SFMBT1: variants seen among roughly 807,000 people sequenced by gnomAD.
The protein encoded by SFMBT1 is scm-like with four MBT domains protein 1.
Under a neutral mutation model 108.7 loss-of-function variants are expected in SFMBT1, and 32 were observed. That is an observed-to-expected ratio of 0.29 (90% confidence interval 0.22 to 0.40). The LOEUF is 0.40. Ranked by LOEUF, SFMBT1 falls within the 10% of genes least tolerant of loss-of-function variation. The probability of loss-of-function intolerance (pLI) is 1.00; values close to 1 mark genes in which losing one functional copy is unlikely to be tolerated. For missense variants in SFMBT1, 816 were observed against 1,059.6 expected (o/e 0.77, Z 3.19); for synonymous variants, 348 against 369.5 (o/e 0.94, Z 0.67).
intron 1 of SFMBT1, among the ~76,000 whole-genome samples, chr3:53,035,894 G>T (rs1029536840): frequency 3.3e-5 from 5 of 152,198 alleles, no homozygotes; most frequent in African/African-American, 1.2e-4. Flanking sequence ...CACCCGGCCA[G>T]AGACGTAAGT....
At chr3:52,992,083 T>G (rs1004045571) in intron 1 of SFMBT1, among the ~76,000 whole-genome samples, 1 of 152,230 alleles carries the variant, frequency 6.6e-6, no homozygotes, top group African/African-American at 2.4e-5. Flanking sequence ...CCACAAAGCC[T>G]GTCCTTAACC....
Position 52,930,991 on chromosome 3 carries a change from C to A in SFMBT1, c.745G>T (p.Ala249Ser). The A allele has an allele frequency of 6.2e-7, 1 of 1,614,030 alleles. No individual in the cohort carries two copies. The highest frequency in any genetic ancestry group is 8.5e-7 in the Non-Finnish European group (1 of 1,179,956). The change falls in exon 7 of 21, where the codon GCC (alanine) becomes TCC (serine). Residue 249 changes from alanine to serine, a missense_variant. Physicochemically the swap from Ala to Ser is moderately conservative, Grantham distance 99. This residue lies in a region of SFMBT1 where 495 missense variants were observed against 607.4 expected (regional missense o/e 0.81). Coordinates refer to ENST00000394752, the MANE Select transcript of SFMBT1 (RefSeq NM_016329.4). ...TCTTCCTCTTCCTCTTTCACTTTGGCCAAAATCTCTTGCCACTCAGCTTCA... is the reference window on the plus strand; with the variant it reads ...TCTTCCTCTTCCTCTTTCACTTTGGACAAAATCTCTTGCCACTCAGCTTCA... ...KNEAEWQEIL[A>S]KVKEEEEEPL...
At chr3:53,024,315 G>A (rs1699412243) in intron 1 of SFMBT1, among the ~76,000 whole-genome samples, 1 of 152,190 alleles carries the variant, frequency 6.6e-6, no homozygotes, top group South Asian at 2.1e-4. Context: ...CCCCAAAGAG[G>A]TAAGGGAGCT....
At position 52,934,897 on chromosome 3, in the gene SFMBT1, G is replaced by C. The variant is rs1702961792; in HGVS notation, c.369C>G (p.Ile123Met). 1 of 1,611,860 alleles carries C rather than the reference G, an allele frequency of 6.2e-7. No individual in the cohort carries two copies. Among genetic ancestry groups the C allele is most frequent in the Non-Finnish European group, 8.5e-7 (1 of 1,178,920 alleles). ...CATCCCAGTCAGATACTTTATCTCT[G>C]ATGCCTAGATGAGGGAATAAATGAC... Reference protein sequence around the residue: ...NKKTLEAPEGIRDKVSDWDEF... With the variant: ...NKKTLEAPEGMRDKVSDWDEF... Residue 123 changes from isoleucine to methionine, a missense_variant, in exon 5 of 21, where the codon ATC becomes ATG. Ile to Met is a conservative substitution (Grantham distance 10). Coordinates refer to ENST00000394752, the MANE Select transcript of SFMBT1 (RefSeq NM_016329.4).
rs920474642 is a variant in SFMBT1, at chr3:52,998,604, C to T, written c.-130-29346G>A. Among the ~76,000 whole-genome samples the T allele has an allele frequency of 4.7e-5, 7 of 150,212 alleles. 1 individual carries two copies. The South Asian group carries it at 1.1e-3, about 23-fold the overall frequency. Reference sequence around the variant, plus strand: ...GCTGTTTCCTACCTAGGGGTGACTGCAGCCATGGCTAAGAAAGCGCCAGCG... The same window carrying T: ...GCTGTTTCCTACCTAGGGGTGACTGTAGCCATGGCTAAGAAAGCGCCAGCG... On this transcript the variant is annotated intron_variant, in intron 1 of 20. Coordinates refer to ENST00000394752, the MANE Select transcript of SFMBT1 (RefSeq NM_016329.4).
Position 52,905,081 on chromosome 3 carries a change from TGAAG to T in SFMBT1, c.*51_*54del, listed in dbSNP as rs1559505005. On this transcript the variant is annotated 3_prime_UTR_variant, in exon 21 of 21. Transcript: ENST00000394752. ...TTCCAGCTCCACTTATAAAGCAGGGTGAAGGATTTGCTGCATTTGTGCTTCAAAG... is the reference window on the plus strand; with the variant it reads ...TTCCAGCTCCACTTATAAAGCAGGGTGATTTGCTGCATTTGTGCTTCAAAG... 7.4e-5 allele frequency: 118 copies of T among 1,595,522 alleles called. No individual in the cohort carries two copies. In the Admixed American group the frequency reaches 1.6e-3, roughly 21 times the overall value.
intron 1 of SFMBT1, among the ~76,000 whole-genome samples, chr3:52,972,787 ACACACTAG>A (rs1241495781): frequency 6.9e-6 from 1 of 145,656 alleles, no homozygotes; most frequent in Admixed American, 6.8e-5. Flanking sequence ...ACACACACAC[ACACACTAG>A]CTGAGTGTGG....
At chr3:53,009,912 A>G (rs1265474769) in intron 1 of SFMBT1, among the ~76,000 whole-genome samples, 1 of 152,194 alleles carries the variant, frequency 6.6e-6, no homozygotes, top group African/African-American at 2.4e-5. Flanking sequence ...CGGTCTTCAC[A>G]CTGAGTAGGC....
intron 2 of SFMBT1, among the ~76,000 whole-genome samples, chr3:52,964,397 C>T (rs1704062807): frequency 6.6e-6 from 1 of 152,110 alleles, no homozygotes; most frequent in Non-Finnish European, 1.5e-5. Flanking sequence ...GCCTGTGTTC[C>T]CAGCTACTTG....
At chr3:52,965,076 T>C (rs1704086947) in intron 2 of SFMBT1, among the ~76,000 whole-genome samples, 1 of 151,992 alleles carries the variant, frequency 6.6e-6, no homozygotes, top group South Asian at 2.1e-4. Flanking sequence ...CTAAAAAGCA[T>C]CAATTCAAGA....
chr3:52,910,238 A>G (rs1702183587), intron 17 of SFMBT1, among the ~76,000 whole-genome samples: 2 of 152,186 alleles, frequency 1.3e-5, no homozygotes, highest in African/African-American at 4.8e-5. Flanking sequence ...ATTAAAGGTA[A>G]ACTCACTGAG....
In SFMBT1 at chr3:53,040,027, T is replaced by C. The variant is rs1575456549; in HGVS notation, c.-131+5789A>G. ...CAAGTCAAAATGAGACCAAAAGGTATCTTAAAGTTACAATTCAAAATTACC... is the reference window on the plus strand; with the variant it reads ...CAAGTCAAAATGAGACCAAAAGGTACCTTAAAGTTACAATTCAAAATTACC... On this transcript the variant is annotated intron_variant, in intron 1 of 20. Coordinates refer to ENST00000394752, the MANE Select transcript of SFMBT1 (RefSeq NM_016329.4). Among the ~76,000 whole-genome samples the C allele has an allele frequency of 2.6e-5, 4 of 152,284 alleles. No homozygotes were observed. The Middle Eastern group carries it at 0.01, about 388-fold the overall frequency.
chr3:52,971,122 T>A (rs186737302), intron 1 of SFMBT1, among the ~76,000 whole-genome samples: 1,760 of 151,468 alleles, frequency 0.012, 31 homozygotes, highest in Non-Finnish European at 0.012. Flanking sequence ...GCCTGGGCAA[T>A]GAGAGTGAAA....
intron 1 of SFMBT1, among the ~76,000 whole-genome samples, chr3:53,008,825 C>T (rs971467379): frequency 5.9e-5 from 9 of 151,846 alleles, no homozygotes; most frequent in African/African-American, 1.2e-4. Flanking sequence ...TTAGTAGAGA[C>T]GGGGTTTCAC....
intron 1 of SFMBT1, among the ~76,000 whole-genome samples, chr3:53,015,485 T>C (rs1699095153): frequency 6.6e-6 from 1 of 152,180 alleles, no homozygotes; most frequent in Non-Finnish European, 1.5e-5. Flanking sequence ...TGTATAGCAA[T>C]GTTCACAGCA....
intron 1 of SFMBT1, among the ~76,000 whole-genome samples, chr3:53,044,708 C>A (rs1229257898): frequency 1.3e-5 from 2 of 152,206 alleles, no homozygotes; most frequent in Non-Finnish European, 2.9e-5. Flanking sequence ...TACTTCCTTT[C>A]GAATCTCTTT....
At chr3:53,001,553 G>A (rs538086268) in intron 1 of SFMBT1, among the ~76,000 whole-genome samples, 25 of 149,732 alleles carry the variant, frequency 1.7e-4, no homozygotes, top group African/African-American at 5.8e-4. Context: ...CACATTTACT[G>A]TGCTCCCACC....
intron 2 of SFMBT1, among the ~76,000 whole-genome samples, chr3:52,961,560 G>A (rs1402024221): frequency 6.6e-6 from 1 of 152,076 alleles, no homozygotes; most frequent in Admixed American, 6.5e-5. Flanking sequence ...AGACCCCACC[G>A]CTTTAAAAAA....
At position 52,946,352 on chromosome 3, in the gene SFMBT1, G is replaced by A. The variant is rs1278920181; in HGVS notation, c.124-2759C>T. 3.9e-5 allele frequency among the ~76,000 whole-genome samples: 6 copies of A among 152,190 alleles called. No individual in the cohort carries two copies. In the East Asian group the frequency reaches 5.8e-4, roughly 15 times the overall value. On this transcript the variant is annotated intron_variant, in intron 3 of 20. Coordinates refer to ENST00000394752, the MANE Select transcript of SFMBT1 (RefSeq NM_016329.4). ...CATTCTGTGTAAAAAGTCCTCCCCC[G>A]CTAGTCACTACCTGTTCTATCACTA...
Sources: gnomAD v4.1 joint callset for allele counts (sites outside exome capture counted in the v4.1 genomes callset) on GRCh38, gnomAD v4.1.1 for gene constraint, gnomAD v4.1.1 regional missense constraint, MANE v1.5 for transcripts, NCBI Gene and HGNC (gene_info 2026-07-23, HGNC 2026-07-21) for gene names.